The following NAA11 variants were observed in gnomAD, a reference collection of about 807,000 sequenced individuals.
NAA11 encodes N-alpha-acetyltransferase 11, NatA catalytic subunit, also known as N-alpha-acetyltransferase 11.
NAA11 carries 15 observed loss-of-function variants against 16.1 expected under a neutral mutation model. That is an observed-to-expected ratio of 0.93 (90% CI 0.62 to 1.44). The LOEUF (loss-of-function observed/expected upper bound fraction) is 1.44, where lower values mean the gene tolerates loss of function less well. Ranked by LOEUF, NAA11 falls within the 40% of genes most tolerant of loss-of-function variation. The pLI, the probability that NAA11 is intolerant of heterozygous loss-of-function variation, is 0.00. For missense variants in NAA11, 298 were observed against 291.3 expected, an observed-to-expected ratio of 1.02 and a Z score of -0.17; for synonymous variants, 122 against 112.4, an observed-to-expected ratio of 1.09 and a Z score of -0.54.
chr4:79,301,827 A>G (rs1360829340), intron 1 of NAA11, among the ~76,000 whole-genome samples: 1 of 152,162 alleles, frequency 6.6e-6, no homozygotes, highest in African/African-American at 2.4e-5. Flanking sequence ...CCTTTACAAC[A>G]ATAGCTAATT....
the NAA11 span, among the ~76,000 whole-genome samples, chr4:79,180,170 TTTAAA>T: frequency 0.011 from 1,741 of 152,256 alleles, 40 homozygotes; most frequent in African/African-American, 0.04. Flanking sequence ...GTATCTGTTC[TTTAAA>T]TTAATTTGTT....
chr4:79,258,070 C>T (rs1483999026), intron 2 of NAA11, among the ~76,000 whole-genome samples: 28 of 152,244 alleles, frequency 1.8e-4, no homozygotes, highest in Non-Finnish European at 5.9e-5. Context: ...CTGCACATGC[C>T]ACAGAGCCAG....
intron 2 of NAA11, among the ~76,000 whole-genome samples, chr4:79,230,899 C>G (rs766418316): frequency 6.6e-6 from 1 of 151,934 alleles, no homozygotes; most frequent in Non-Finnish European, 1.5e-5. Flanking sequence ...CTAAAAAAAC[C>G]TTCCTTGACT....
At chr4:79,311,862 T>G (rs906482633), downstream of NAA11, among the ~76,000 whole-genome samples, 1 of 152,238 alleles carries the variant, frequency 6.6e-6, no homozygotes, top group African/African-American at 2.4e-5. Flanking sequence ...GAAAAATATA[T>G]ATTAGATTAT....
chr4:79,262,722 T>C (rs1722267383), intron 2 of NAA11, among the ~76,000 whole-genome samples: 1 of 149,132 alleles, frequency 6.7e-6, no homozygotes. Context: ...AAAAAGAAAC[T>C]CTATTTGTTT....
chr4:79,202,096 G>T, the NAA11 span, among the ~76,000 whole-genome samples: 1 of 151,320 alleles, frequency 6.6e-6, no homozygotes, highest in Non-Finnish European at 1.5e-5. Context: ...GTCCTTCTCA[G>T]CCTCTGGTAA....
At chr4:79,245,398 C>T (rs1721790917) in intron 2 of NAA11, 1 of 158,014 alleles carries the variant, frequency 6.3e-6, no homozygotes, top group African/African-American at 2.4e-5. Context: ...AGCCACCACC[C>T]AGTCTGGGAA....
At chr4:79,223,847 T>G (rs868362007), downstream of NAA11, among the ~76,000 whole-genome samples, 1 of 152,024 alleles carries the variant, frequency 6.6e-6, no homozygotes, top group Non-Finnish European at 1.5e-5. Context: ...TTTATCTAAA[T>G]ATATGTTTTG....
At chr4:79,248,601 T>C (rs1721901075) in intron 2 of NAA11, among the ~76,000 whole-genome samples, 1 of 152,106 alleles carries the variant, frequency 6.6e-6, no homozygotes, top group African/African-American at 2.4e-5. Context: ...TACCCCTGCA[T>C]TGATACCACC....
At chr4:79,273,224 G>A (rs1251723023) in intron 2 of NAA11, among the ~76,000 whole-genome samples, 1 of 151,938 alleles carries the variant, frequency 6.6e-6, no homozygotes, top group Admixed American at 6.6e-5. Context: ...GGAATTGATG[G>A]TGGGCCCCTT....
chr4:79,177,413 A>AAG, the NAA11 span, among the ~76,000 whole-genome samples: 5 of 151,908 alleles, frequency 3.3e-5, no homozygotes, highest in African/African-American at 1.2e-4. Flanking sequence ...TCAAAAAAAA[A>AAG]AAACCATAAA....
At chr4:79,244,475 GA>G (rs1293868080) in intron 2 of NAA11, among the ~76,000 whole-genome samples, 1 of 152,116 alleles carries the variant, frequency 6.6e-6, no homozygotes, top group Non-Finnish European at 1.5e-5. Context: ...TTGGGAAACT[GA>G]AATTGGAGTA....
At chr4:79,276,279 C>T (rs544070889) in intron 2 of NAA11, among the ~76,000 whole-genome samples, 11 of 152,144 alleles carry the variant, frequency 7.2e-5, no homozygotes, top group South Asian at 4.2e-4. Context: ...TAATAAAAGA[C>T]AATGGAGACT....
In NAA11 at chr4:79,317,673, T is replaced by G. The variant is rs1723967084; in HGVS notation, c.*131A>C. The G allele has an allele frequency of 2.0e-5, 3 of 152,118 alleles. No homozygotes were observed. The highest frequency in any genetic ancestry group is 6.6e-5 in the Admixed American group (1 of 15,262). 9.4% of individuals were successfully genotyped at this position (152,118 alleles called of 1,614,324 possible). ...TGTGAAAGGTGGTTGTTTATAGAGT[T>G]AAGAGTGAGAAGCCATTCTGGTCAC... On this transcript the variant is annotated 3_prime_UTR_variant, in exon 2 of 2. Transcript: ENST00000286794.
At chr4:79,271,736 T>G (rs1722497683) in intron 2 of NAA11, among the ~76,000 whole-genome samples, 1 of 152,044 alleles carries the variant, frequency 6.6e-6, no homozygotes, top group African/African-American at 2.4e-5. Flanking sequence ...CTTACTAAAA[T>G]ATTGTACAGT....
chr4:79,227,253 T>A (rs1238570899), intron 2 of NAA11: 1 of 151,880 alleles, frequency 6.6e-6, no homozygotes, highest in African/African-American at 2.4e-5. Context: ...ATTTTTGCAA[T>A]CTACTCATCT....
intron 2 of NAA11, among the ~76,000 whole-genome samples, chr4:79,258,120 T>G (rs113854814): frequency 6.6e-6 from 1 of 152,202 alleles, no homozygotes; most frequent in Admixed American, 6.5e-5. Flanking sequence ...CCCTTCCAAG[T>G]TGGTGGGGCA....
intron 2 of NAA11, among the ~76,000 whole-genome samples, chr4:79,265,762 G>GT (rs377066786): frequency 5.8e-3 from 287 of 49,734 alleles, no homozygotes; most frequent in African/African-American, 9.6e-3. Context: ...CAGATTCTGT[G>GT]TTTTTTTTTG....
chr4:79,325,117 C>T, intron 1 of NAA11, 59 bp downstream of exon 1: 1 of 1,433,178 alleles, frequency 7.0e-7, no homozygotes, highest in Non-Finnish European at 9.4e-7. Context: ...ATTGGGCAGG[C>T]CAAGGCAGGA....
Sources: allele counts gnomAD v4.1 joint callset (sites outside exome capture counted in the v4.1 genomes callset), GRCh38; gene constraint gnomAD v4.1.1; transcripts MANE v1.5; gene names NCBI Gene and HGNC (gene_info 2026-07-23, HGNC 2026-07-21).